LRIG1: variants seen among roughly 807,000 people sequenced by gnomAD.
The protein encoded by LRIG1 is leucine rich repeats and immunoglobulin like domains 1, also known as leucine-rich repeats and immunoglobulin-like domains protein 1.
Under a neutral mutation model 99.2 loss-of-function variants are expected in LRIG1, and 48 were observed. The observed-to-expected ratio is 0.48, with a 90% CI of 0.38 to 0.62. LRIG1 has a LOEUF of 0.62. Among genes scored for constraint, LRIG1 ranks in the 20% least tolerant of loss-of-function variants. LRIG1 has a pLI of 0.00. For synonymous variants in LRIG1, 772 were observed against 596.1 expected (o/e 1.29, Z -4.30); for missense variants, 1,646 against 1,434.4 (o/e 1.15, Z -2.38).
chr3:66,476,697 C>T (rs1002313825), intron 1 of LRIG1, among the ~76,000 whole-genome samples: 1 of 152,208 alleles, frequency 6.6e-6, no homozygotes, highest in Non-Finnish European at 1.5e-5. Flanking sequence ...TGCCTCAAAA[C>T]ACTCTTTAAA....
At chr3:66,427,073 G>C (rs997751996) in intron 3 of LRIG1, among the ~76,000 whole-genome samples, 1 of 152,122 alleles carries the variant, frequency 6.6e-6, no homozygotes, top group South Asian at 2.1e-4. Context: ...TAGACTGGGG[G>C]GAAAAAAAAT....
At chr3:66,490,571 G>C (rs986559411) in intron 1 of LRIG1, among the ~76,000 whole-genome samples, 2 of 152,058 alleles carry the variant, frequency 1.3e-5, no homozygotes, top group African/African-American at 4.8e-5. Context: ...TGAAAGAATG[G>C]TGTTCTCCTA....
chr3:66,446,400 C>T (rs765313810), intron 3 of LRIG1, among the ~76,000 whole-genome samples: 13 of 149,280 alleles, frequency 8.7e-5, no homozygotes, highest in Non-Finnish European at 1.8e-4. Context: ...CCCGCCCACC[C>T]GCCTTTTTTT....
Position 66,380,655 on chromosome 3 carries a change from C to G in LRIG1, c.2977G>C (p.Gly993Arg), listed in dbSNP as rs752186051. Reference protein sequence around the residue: ...TAAGSCPECQGSLYPSNHDRM... With the variant: ...TAAGSCPECQRSLYPSNHDRM... ...TCGTGGTTACTGGGGTAGAGCGACC[C>G]TTGGCACTCGGGGCAGGACCCAGCG... is the stretch of plus-strand genomic sequence containing the variant. Residue 993 changes from glycine (G) to arginine (R), a missense_variant, in exon 18 of 19, where the codon GGG becomes CGG. Transcript: ENST00000273261. The G allele has an allele frequency of 5.0e-5, 81 of 1,614,098 alleles. No homozygotes were observed. The East Asian group carries it at 1.0e-3, about 21-fold the overall frequency.
At position 66,445,717 on chromosome 3, in the gene LRIG1, C is replaced by CA. The variant is rs544954831; in HGVS notation, c.365+5841dup. ...TATGCCAGTGAAGGATGCCTTTCTT[C>CA]AGGAGATGCAACATGGAGAAAGTTT... On this transcript the variant is annotated intron_variant, in intron 3 of 18. Transcript: ENST00000273261. 2.0e-5 allele frequency among the ~76,000 whole-genome samples: 3 copies of CA among 152,202 alleles called. No individual in the cohort carries two copies. In the South Asian group the frequency reaches 6.2e-4, roughly 32 times the overall value.
At chr3:66,396,972 C>T (rs541814027) in intron 11 of LRIG1, among the ~76,000 whole-genome samples, 1 of 152,312 alleles carries the variant, frequency 6.6e-6, no homozygotes, top group East Asian at 1.9e-4. Flanking sequence ...CTGTATGTTC[C>T]GTCTCACCCG....
chr3:66,456,933 G>T (rs1324957262), intron 2 of LRIG1, among the ~76,000 whole-genome samples: 1 of 152,198 alleles, frequency 6.6e-6, no homozygotes, highest in Non-Finnish European at 1.5e-5. Flanking sequence ...CAGGACCCCA[G>T]CTGGAGGCAC....
chr3:66,411,801 T>A (rs898218587), intron 6 of LRIG1, among the ~76,000 whole-genome samples: 4 of 152,132 alleles, frequency 2.6e-5, no homozygotes, highest in African/African-American at 9.7e-5. Flanking sequence ...CGCAAGTGGA[T>A]AAGTAAAGAC....
intron 3 of LRIG1, among the ~76,000 whole-genome samples, chr3:66,446,274 G>A (rs1703719998): frequency 6.6e-6 from 1 of 152,124 alleles, no homozygotes; most frequent in Non-Finnish European, 1.5e-5. Context: ...CACCCCCGGG[G>A]AAGGGGGAAG....
At chr3:66,447,727 C>T (rs1703774578) in intron 3 of LRIG1, among the ~76,000 whole-genome samples, 1 of 152,180 alleles carries the variant, frequency 6.6e-6, no homozygotes, top group Non-Finnish European at 1.5e-5. Context: ...ACTCCCAGGA[C>T]TGAAAAATTC....
chr3:66,386,104 T>A lies in LRIG1; in HGVS notation c.1666A>T (p.Met556Leu), dbSNP rs1267299248. 3 of 1,614,044 alleles carry A rather than the reference T, an allele frequency of 1.9e-6. No homozygotes were observed. Among genetic ancestry groups the A allele is most frequent in the Non-Finnish European group, 1.7e-6 (2 of 1,180,040 alleles). The change falls in exon 13 of 19, where the codon ATG (methionine) becomes TTG (leucine). Residue 556 changes from methionine to leucine, a missense_variant. Physicochemically the swap from Met to Leu is conservative, Grantham distance 15. Coordinates refer to ENST00000273261, the MANE Select transcript of LRIG1 (RefSeq NM_015541.3). ...VHVHAQDGEV[M>L]EYTTILHLRQ... ...AGGTGCAGGATGGTGGTGTACTCCA[T>A]CACTTCCCCGTCCTGCGCGTGGACG...
At chr3:66,415,164 T>G (rs970124261) in intron 4 of LRIG1, 101 bp from the exon 5 acceptor site, 10 of 1,231,130 alleles carry the variant, frequency 8.1e-6, no homozygotes, top group African/African-American at 1.5e-5. Context: ...GAAGATGAGT[T>G]AAGACACCAG....
chr3:66,480,741 A>T, intron 1 of LRIG1, among the ~76,000 whole-genome samples: 1 of 152,338 alleles, frequency 6.6e-6, no homozygotes, highest in African/African-American at 2.4e-5. Context: ...CAGAAAACAC[A>T]TTCTTGGCAT....
At chr3:66,387,084 G>C (rs756651202) in intron 12 of LRIG1, 1 of 147,310 alleles carries the variant, frequency 6.8e-6, no homozygotes, top group Admixed American at 6.9e-5. Context: ...CTAGTTTGCC[G>C]AGCAGGAGAA....
intron 7 of LRIG1, among the ~76,000 whole-genome samples, chr3:66,409,361 C>A (rs1559783828): frequency 6.6e-6 from 1 of 152,188 alleles, no homozygotes; most frequent in Non-Finnish European, 1.5e-5. Context: ...TCCAGTAACC[C>A]CACCCTGACA....
intron 9 of LRIG1, among the ~76,000 whole-genome samples, chr3:66,403,108 G>A (rs767355244): frequency 6.6e-6 from 1 of 152,048 alleles, no homozygotes; most frequent in African/African-American, 2.4e-5. Context: ...AACCCCAAGT[G>A]CCCGTGACAC....
chr3:66,488,080 G>A (rs534290099), intron 1 of LRIG1, among the ~76,000 whole-genome samples: 16 of 152,162 alleles, frequency 1.1e-4, no homozygotes, highest in African/African-American at 3.1e-4. Flanking sequence ...ATGAGTGGAA[G>A]GAAAAGAAAA....
chr3:66,471,903 G>A (rs925986914), intron 1 of LRIG1, among the ~76,000 whole-genome samples: 15 of 152,044 alleles, frequency 9.9e-5, no homozygotes, highest in African/African-American at 3.4e-4. Flanking sequence ...CTCCACATCC[G>A]CCCCTGGCCC....
intron 3 of LRIG1, among the ~76,000 whole-genome samples, chr3:66,440,008 G>A (rs1703488260): frequency 6.7e-6 from 1 of 148,238 alleles, no homozygotes; most frequent in South Asian, 2.1e-4. Flanking sequence ...TCCACCTGGT[G>A]AGAAAGAAAG....
Sources: gnomAD v4.1 joint callset for allele counts (sites outside exome capture counted in the v4.1 genomes callset) on GRCh38, gnomAD v4.1.1 for gene constraint, MANE v1.5 for transcripts, NCBI Gene and HGNC (gene_info 2026-07-23, HGNC 2026-07-21) for gene names.